The following CSMD3 variants were observed in gnomAD, a reference collection of about 807,000 sequenced individuals.
CSMD3 encodes the protein CUB and sushi domain-containing protein 3.
Under a neutral mutation model 435.2 loss-of-function variants are expected in CSMD3, and 177 were observed. The ratio of observed to expected loss-of-function variants is 0.41; its 90% CI spans 0.36 to 0.46. The LOEUF (loss-of-function observed/expected upper bound fraction) is 0.46. Ranked by LOEUF, CSMD3 falls within the 20% of genes least tolerant of loss-of-function variation. The probability of loss-of-function intolerance (pLI) is 0.34; values close to 1 mark genes in which losing one functional copy is unlikely to be tolerated. For synonymous variants in CSMD3, 1,656 were observed against 1,520.5 expected (o/e 1.09, Z -2.07); for missense variants, 4,265 against 4,504.6 (o/e 0.95, Z 1.52).
At chr8:112,953,842 C>G (rs1301032106) in intron 8 of CSMD3, among the ~76,000 whole-genome samples, 1 of 151,336 alleles carries the variant, frequency 6.6e-6, no homozygotes, top group Non-Finnish European at 1.5e-5. Flanking sequence ...AAAAAATATA[C>G]TCTTGTTGAA....
chr8:112,721,394 G>T (rs2076854358), intron 13 of CSMD3, among the ~76,000 whole-genome samples: 1 of 152,014 alleles, frequency 6.6e-6, no homozygotes, highest in Admixed American at 6.6e-5. Flanking sequence ...GGCCAACATA[G>T]CGAAACCCTG....
chr8:112,470,286 T>C (rs1333798968), intron 32 of CSMD3, among the ~76,000 whole-genome samples: 4 of 152,308 alleles, frequency 2.6e-5, no homozygotes, highest in Middle Eastern at 3.4e-3. Context: ...ATGCATGTCA[T>C]TTAATTTAAC....
Position 112,571,195 on chromosome 8 carries a change from C to T in CSMD3, c.4042+2306G>A, listed in dbSNP as rs534361518. Among the ~76,000 whole-genome samples the T allele has an allele frequency of 2.4e-3, 365 of 151,694 alleles. 2 individuals are homozygous for T. Among genetic ancestry groups the T allele is most frequent in the African/African-American group, 8.5e-3 (351 of 41,386 alleles). ...GCTAATTTTGTATTTTTAGTAGAGA[C>T]GGGGTTTCTTCATGTTGGTCAGGCT... On this transcript the variant is annotated intron_variant, in intron 24 of 70. Coordinates refer to ENST00000297405, the MANE Select transcript of CSMD3 (RefSeq NM_198123.2).
At chr8:113,163,545 T>C (rs1253498320) in intron 4 of CSMD3, among the ~76,000 whole-genome samples, 1 of 151,966 alleles carries the variant, frequency 6.6e-6, no homozygotes, top group Non-Finnish European at 1.5e-5. Flanking sequence ...ATAAAGAAAC[T>C]TATTCTAGAA....
chr8:112,840,711 A>G lies in CSMD3; in HGVS notation c.1756-10922T>C, dbSNP rs185274092. The stretch of plus-strand genomic sequence containing the variant: ...TTTTTATGTGTCAATTATAAGTAAA[A>G]CTTTAATAAAAAAAGAGTGAGGAAA... On this transcript the variant is annotated intron_variant, in intron 11 of 70. Transcript: ENST00000297405. Among the ~76,000 whole-genome samples the G allele has an allele frequency of 8.9e-4, 135 of 151,780 alleles. 1 individual carries two copies. The highest frequency in any genetic ancestry group is 3.4e-3 in the Middle Eastern group (1 of 294).
chr8:113,126,666 AAGG>A (rs761017198), intron 4 of CSMD3, among the ~76,000 whole-genome samples: 25 of 151,908 alleles, frequency 1.6e-4, no homozygotes, highest in South Asian at 1.4e-3. Flanking sequence ...GGAAAAGCAG[AAGG>A]AGGAGGAAGG....
At chr8:113,315,652 TATATATATCAAATGTATATTAAAC>T (rs2093904012) in intron 1 of CSMD3, among the ~76,000 whole-genome samples, 4 of 148,212 alleles carry the variant, frequency 2.7e-5, no homozygotes, top group East Asian at 3.9e-4. Flanking sequence ...GTATATTAAA[TATATATATCAAATGTATATTAAAC>T]ATATATATCA....
At chr8:113,136,952 A>G (rs964034764) in intron 4 of CSMD3, among the ~76,000 whole-genome samples, 1 of 151,730 alleles carries the variant, frequency 6.6e-6, no homozygotes, top group Non-Finnish European at 1.5e-5. Flanking sequence ...GATAAAACAG[A>G]GAGTAAATTT....
At chr8:112,421,192 A>T (rs1812457815) in intron 32 of CSMD3, among the ~76,000 whole-genome samples, 1 of 152,030 alleles carries the variant, frequency 6.6e-6, no homozygotes, top group South Asian at 2.1e-4. Context: ...TTTTAACAGA[A>T]GGAATTCCAA....
intron 32 of CSMD3, among the ~76,000 whole-genome samples, chr8:112,449,434 G>A (rs1421269664): frequency 6.6e-6 from 1 of 151,914 alleles, no homozygotes; most frequent in Non-Finnish European, 1.5e-5. Context: ...TTGGGGGCAG[G>A]GTAAGGAGCA....
intron 22 of CSMD3, among the ~76,000 whole-genome samples, chr8:112,634,817 T>C (rs2074611729): frequency 6.6e-6 from 1 of 151,976 alleles, no homozygotes; most frequent in Admixed American, 6.6e-5. Context: ...GTTAGTTCTC[T>C]ATGATAGATT....
intron 6 of CSMD3, among the ~76,000 whole-genome samples, chr8:112,988,533 A>G (rs976197741): frequency 2.0e-5 from 3 of 152,080 alleles, no homozygotes; most frequent in Non-Finnish European, 4.4e-5. Flanking sequence ...CTGCTGCTCA[A>G]TAGTTACAAG....
intron 13 of CSMD3, among the ~76,000 whole-genome samples, chr8:112,794,286 T>G (rs1378899589): frequency 1.4e-5 from 1 of 69,988 alleles, no homozygotes; most frequent in Admixed American, 1.9e-4. Context: ...ACTGATAAAC[T>G]TTTTTTTTTT....
chr8:112,303,695 C>T (rs62514401), intron 52 of CSMD3, among the ~76,000 whole-genome samples: 35,876 of 151,748 alleles, frequency 0.24, 4,418 homozygotes, highest in East Asian at 0.36. Flanking sequence ...ACAGGGCAAC[C>T]GAAAAATTCT....
At chr8:113,161,929 C>T (rs555056349) in intron 4 of CSMD3, among the ~76,000 whole-genome samples, 1 of 152,062 alleles carries the variant, frequency 6.6e-6, no homozygotes, top group African/African-American at 2.4e-5. Flanking sequence ...TAACTCTACA[C>T]GTTATACATG....
intron 3 of CSMD3, among the ~76,000 whole-genome samples, chr8:113,219,382 C>G (rs962274672): frequency 6.6e-6 from 1 of 150,594 alleles, no homozygotes; most frequent in African/African-American, 2.4e-5. Context: ...TGCAAATTAG[C>G]AAATAGAACA....
intron 2 of CSMD3, among the ~76,000 whole-genome samples, chr8:113,306,692 A>G (rs988264080): frequency 1.3e-5 from 2 of 152,192 alleles, no homozygotes; most frequent in Non-Finnish European, 2.9e-5. Context: ...ATGTAAGAAA[A>G]TAAGTGTAGT....
At chr8:112,898,605 TAAAC>T (rs2082017501) in intron 10 of CSMD3, among the ~76,000 whole-genome samples, 1 of 151,230 alleles carries the variant, frequency 6.6e-6, no homozygotes, top group Admixed American at 6.6e-5. Context: ...TTTCACATAG[TAAAC>T]AAATTTGACA....
intron 1 of CSMD3, among the ~76,000 whole-genome samples, chr8:113,353,315 T>TA (rs57240647): frequency 0.1 from 15,816 of 152,126 alleles, 961 homozygotes; most frequent in Middle Eastern, 0.17. Flanking sequence ...CATATTTTTT[T>TA]AAAAAATTTT....
Sources: gnomAD v4.1 joint callset for allele counts (sites outside exome capture counted in the v4.1 genomes callset) on GRCh38, gnomAD v4.1.1 for gene constraint, MANE v1.5 for transcripts, NCBI Gene and HGNC (gene_info 2026-07-23, HGNC 2026-07-21) for gene names.